Variants in PRICKLE2 observed in about 807,000 individuals in gnomAD.
PRICKLE2 encodes prickle-like protein 2.
In PRICKLE2, 21 loss-of-function variants were observed where a neutral mutation model predicts 81.4. The observed-to-expected ratio is 0.26, with a 90% CI of 0.18 to 0.37. The LOEUF is 0.37. PRICKLE2 is among the 10% of genes least tolerant of loss of function. The probability of loss-of-function intolerance (pLI) is 1.00; values close to 1 mark genes in which losing one functional copy is unlikely to be tolerated. For missense variants in PRICKLE2, 940 were observed against 1,109.0 expected, an observed-to-expected ratio of 0.85 and a Z score of 2.16; for synonymous variants, 456 against 421.5, an observed-to-expected ratio of 1.08 and a Z score of -1.00.
chr3:64,148,554 A>G (rs1308054183), intron 6 of PRICKLE2, among the ~76,000 whole-genome samples: 1 of 152,222 alleles, frequency 6.6e-6, no homozygotes, highest in East Asian at 1.9e-4. Flanking sequence ...GGTAAGTCAC[A>G]GCAGCAACTC....
At chr3:64,253,983 T>C (rs2079487786) in intron 2 of PRICKLE2, among the ~76,000 whole-genome samples, 1 of 152,170 alleles carries the variant, frequency 6.6e-6, no homozygotes, top group Non-Finnish European at 1.5e-5. Flanking sequence ...GAGTGATTAC[T>C]AATGTAGTCT....
At chr3:64,230,604 C>T (rs975647365) in intron 2 of PRICKLE2, among the ~76,000 whole-genome samples, 4 of 152,160 alleles carry the variant, frequency 2.6e-5, no homozygotes, top group Non-Finnish European at 5.9e-5. Flanking sequence ...CTAATCCATA[C>T]TGATAATCTG....
At chr3:64,143,787 T>C (rs1471632391) in intron 7 of PRICKLE2, among the ~76,000 whole-genome samples, 1 of 152,244 alleles carries the variant, frequency 6.6e-6, no homozygotes, top group Non-Finnish European at 1.5e-5. Flanking sequence ...GAAACTCTTC[T>C]TCAGAGGCTG....
chr3:64,243,754 G>A (rs2079304594), intron 2 of PRICKLE2, among the ~76,000 whole-genome samples: 1 of 152,210 alleles, frequency 6.6e-6, no homozygotes, highest in Non-Finnish European at 1.5e-5. Context: ...GATGTTAGAA[G>A]ATGACAGATT....
rs1226673743 is a variant in PRICKLE2 at position 64,254,397 on chromosome 3, C to T, written c.129-55430G>A. Among the ~76,000 whole-genome samples, 4 of 152,016 alleles carry T rather than the reference C, an allele frequency of 2.6e-5. No individual in the cohort carries two copies. In the East Asian group the frequency reaches 5.8e-4, roughly 22 times the overall value. On this transcript the variant is annotated intron_variant, in intron 2 of 8. Transcript: ENST00000295902. Reference sequence around the variant, plus strand: ...GAGGTATTGTTCCTGTCTCCCAAGGCGACAGACAAGACTGAAACAGAGCTA... The same window carrying T: ...GAGGTATTGTTCCTGTCTCCCAAGGTGACAGACAAGACTGAAACAGAGCTA...
intron 2 of PRICKLE2, among the ~76,000 whole-genome samples, chr3:64,244,736 T>C (rs62247389): frequency 0.054 from 8,266 of 152,076 alleles, 316 homozygotes; most frequent in Non-Finnish European, 0.083. Flanking sequence ...TAGCATGACC[T>C]AGGCTTCATC....
At chr3:64,185,667 T>C (rs111843005) in intron 2 of PRICKLE2, among the ~76,000 whole-genome samples, 11 of 152,318 alleles carry the variant, frequency 7.2e-5, no homozygotes, top group African/African-American at 2.6e-4. Flanking sequence ...AAGACTTAGC[T>C]ACTCCCTGAG....
At chr3:64,262,587 A>G (rs1575728151) in intron 2 of PRICKLE2, among the ~76,000 whole-genome samples, 1 of 151,850 alleles carries the variant, frequency 6.6e-6, no homozygotes, top group East Asian at 2.0e-4. Context: ...GATGAAAAAG[A>G]CATGAGCAAG....
intron 7 of PRICKLE2, among the ~76,000 whole-genome samples, chr3:64,119,799 A>T (rs2106965411): frequency 6.6e-6 from 1 of 152,372 alleles, no homozygotes; most frequent in South Asian, 2.1e-4. Context: ...AAGACATGGT[A>T]TCAACCTAGA....
intron 7 of PRICKLE2, among the ~76,000 whole-genome samples, chr3:64,137,881 CT>C (rs1400320249): frequency 7.2e-5 from 11 of 152,150 alleles, no homozygotes; most frequent in Non-Finnish European, 1.6e-4. Context: ...TCAGAAGGTG[CT>C]CCTTAGGATG....
upstream of PRICKLE2, among the ~76,000 whole-genome samples, chr3:64,229,958 T>G (rs1443329862): frequency 6.6e-6 from 1 of 152,204 alleles, no homozygotes; most frequent in Non-Finnish European, 1.5e-5. Context: ...GCAAAGTTGG[T>G]TGGAGGCCCA....
At chr3:64,184,144 C>T (rs1029380033) in intron 2 of PRICKLE2, among the ~76,000 whole-genome samples, 1 of 152,186 alleles carries the variant, frequency 6.6e-6, no homozygotes, top group African/African-American at 2.4e-5. Context: ...CCCAGATAGG[C>T]CTTACCAAGA....
At chr3:64,194,363 A>T (rs534309125) in intron 2 of PRICKLE2, 1 of 152,320 alleles carries the variant, frequency 6.6e-6, no homozygotes, top group East Asian at 1.9e-4. Flanking sequence ...TTTTGTCTTG[A>T]TTGGGCCAGA....
At chr3:64,215,198 C>A (rs980458877) in intron 1 of PRICKLE2, among the ~76,000 whole-genome samples, 4 of 152,116 alleles carry the variant, frequency 2.6e-5, no homozygotes, top group African/African-American at 9.7e-5. Flanking sequence ...TTCCTCTCTC[C>A]CCAAATTTAT....
At chr3:64,195,301 T>C (rs1249461586) in intron 2 of PRICKLE2, among the ~76,000 whole-genome samples, 1 of 152,226 alleles carries the variant, frequency 6.6e-6, no homozygotes, top group Non-Finnish European at 1.5e-5. Flanking sequence ...AGTGCATTTT[T>C]ATGAAATTAA....
chr3:64,236,293 C>T (rs1265022054), intron 2 of PRICKLE2, among the ~76,000 whole-genome samples: 1 of 152,086 alleles, frequency 6.6e-6, no homozygotes. Flanking sequence ...ATGCCTGGCA[C>T]ATAGTAGGTC....
chr3:64,107,313 G>A (rs548629195), intron 7 of PRICKLE2, among the ~76,000 whole-genome samples: 7 of 152,252 alleles, frequency 4.6e-5, no homozygotes, highest in Admixed American at 2.0e-4. Flanking sequence ...TGGCCTCTGC[G>A]AGAAAATCAA....
intron 2 of PRICKLE2, among the ~76,000 whole-genome samples, chr3:64,260,998 T>G (rs963876858): frequency 2.0e-5 from 3 of 152,050 alleles, no homozygotes; most frequent in African/African-American, 7.2e-5. Flanking sequence ...AAGCTTGGGG[T>G]CTTCAGAGAA....
chr3:64,195,410 G>A (rs1367442080), intron 2 of PRICKLE2, among the ~76,000 whole-genome samples: 1 of 152,172 alleles, frequency 6.6e-6, no homozygotes, highest in Admixed American at 6.5e-5. Context: ...ATAATAAAGA[G>A]TATCACCTGA....
Sources: allele counts gnomAD v4.1 joint callset (sites outside exome capture counted in the v4.1 genomes callset), GRCh38; gene constraint gnomAD v4.1.1; transcripts MANE v1.5; gene names NCBI Gene and HGNC (gene_info 2026-07-23, HGNC 2026-07-21).